YTHDF3: variants seen among roughly 807,000 people sequenced by gnomAD.
YTHDF3 encodes the protein YTH N6-methyladenosine RNA binding protein F3, also known as YTH domain-containing family protein 3.
In YTHDF3, 9 loss-of-function variants were observed where a neutral mutation model predicts 52.5. The observed-to-expected ratio is 0.17, with a 90% CI of 0.10 to 0.30. The LOEUF is 0.30. Ranked by LOEUF, YTHDF3 falls within the 10% of genes least tolerant of loss-of-function variation. The pLI, the probability that YTHDF3 is intolerant of heterozygous loss-of-function variation, is 1.00. For missense variants in YTHDF3, 534 were observed against 715.0 expected, an observed-to-expected ratio of 0.75 and a Z score of 2.89; for synonymous variants, 274 against 243.3, an observed-to-expected ratio of 1.13 and a Z score of -1.18.
intron 4 of YTHDF3, among the ~76,000 whole-genome samples, chr8:63,201,251 G>A (rs1022355395): frequency 1.1e-4 from 16 of 152,250 alleles, no homozygotes; most frequent in African/African-American, 3.9e-4. Flanking sequence ...TTACAGCTAG[G>A]TGTGGCTCAT....
intron 3 of YTHDF3, chr8:63,175,733 A>G (rs1294698124): frequency 5.4e-6 from 1 of 183,636 alleles, no homozygotes; most frequent in African/African-American, 2.3e-5. Flanking sequence ...TCACTGCTAT[A>G]TCTTCATAGC....
Position 63,169,372 on chromosome 8 carries a change from C to A in YTHDF3, c.25-15C>A. On this transcript the variant is annotated splice_polypyrimidine_tract_variant and intron_variant, in intron 1 of 4. Coordinates refer to ENST00000539294, the MANE Select transcript of YTHDF3 (RefSeq NM_152758.6). Reference sequence around the variant, plus strand: ...TTTTTCTCCTCTTTACCGCATCTTTCGTCTTGCAACACAGAGACCTAAAGG... The same window carrying A: ...TTTTTCTCCTCTTTACCGCATCTTTAGTCTTGCAACACAGAGACCTAAAGG... The A allele has an allele frequency of 6.3e-7, 1 of 1,599,646 alleles. No homozygotes were observed. The highest frequency in any genetic ancestry group is 8.5e-7 in the Non-Finnish European group (1 of 1,172,158).
intron 4 of YTHDF3, among the ~76,000 whole-genome samples, chr8:63,204,729 G>T (rs1809894459): frequency 6.6e-6 from 1 of 152,102 alleles, no homozygotes; most frequent in South Asian, 2.1e-4. Context: ...GCCTTCTTCG[G>T]CAGTTCTGTT....
At chr8:63,169,056 TGCGCCCTGGCCCCGTAGCTTGCGGGCGG>T (rs1484329022) in intron 1 of YTHDF3, 155 bp downstream of exon 1, 6 of 1,419,818 alleles carry the variant, frequency 4.2e-6, no homozygotes, top group Non-Finnish European at 4.6e-6. Flanking sequence ...GGCCGGGGCG[TGCGCCCTGGCCCCGTAGCTTGCGGGCGG>T]GCGGGCGCGG....
intron 4 of YTHDF3, among the ~76,000 whole-genome samples, chr8:63,192,035 G>A (rs1201716177): frequency 6.6e-6 from 1 of 152,120 alleles, no homozygotes; most frequent in East Asian, 1.9e-4. Flanking sequence ...GGGGCGTACA[G>A]CTCTATGAAT....
Position 63,175,350 on chromosome 8 carries a change from G to A in YTHDF3, c.69G>A (p.Ser23=). Residue 23 remains serine (S), a synonymous_variant, in exon 3 of 5, where the codon TCG becomes TCA. Coordinates refer to ENST00000539294, the MANE Select transcript of YTHDF3 (RefSeq NM_152758.6). The stretch of plus-strand genomic sequence containing the variant: ...TTTTAGTTTCAGTACAAAACGGTTC[G>A]ATTCATCAAAAAGATGCTGTAAATG... ...QGNKVSVQNG[S]IHQKDAVNDD... The A allele has an allele frequency of 6.2e-7, 1 of 1,609,302 alleles. No homozygotes were observed. The highest frequency in any genetic ancestry group is 2.2e-5 in the East Asian group (1 of 44,686).
chr8:63,190,476 C>T (rs1808843111), intron 4 of YTHDF3, among the ~76,000 whole-genome samples: 1 of 152,044 alleles, frequency 6.6e-6, no homozygotes, highest in African/African-American at 2.4e-5. Context: ...TTTAATATTA[C>T]CCTTATATTG....
chr8:63,170,701 A>G (rs369686256), intron 2 of YTHDF3, among the ~76,000 whole-genome samples: 2 of 152,090 alleles, frequency 1.3e-5, no homozygotes, highest in African/African-American at 4.8e-5. Context: ...GAGATTGTGA[A>G]ATTGTGGTCA....
rs1411300271 is a variant in YTHDF3 at position 63,207,886 on chromosome 8, G to A, written c.1735-1797G>A. 2.0e-5 allele frequency among the ~76,000 whole-genome samples: 3 copies of A among 152,102 alleles called. No homozygotes were observed. In the East Asian group the frequency reaches 5.8e-4, roughly 29 times the overall value. On this transcript the variant is annotated intron_variant, in intron 4 of 4. Transcript: ENST00000539294. ...TATTTTGTATCTAGCTTATTAGAGTGTGCTTCCAAATTTCTCATCCAAAGC... is the reference window on the plus strand; with the variant it reads ...TATTTTGTATCTAGCTTATTAGAGTATGCTTCCAAATTTCTCATCCAAAGC...
chr8:63,211,224 A>G lies in YTHDF3; in HGVS notation c.*1518A>G, dbSNP rs996548142. On this transcript the variant is annotated 3_prime_UTR_variant, in exon 5 of 5. Transcript: ENST00000539294. ...TTTAAATGTGCAAATACTGTATTCA[A>G]GTGAAAAAAATACAGTATTTGTAGA... 2.0e-5 allele frequency: 3 copies of G among 152,494 alleles called. No homozygotes were observed. The highest frequency in any genetic ancestry group is 7.2e-5 in the African/African-American group (3 of 41,418). 9.4% of individuals were successfully genotyped at this position (152,494 alleles called of 1,614,324 possible).
chr8:63,209,918 C>A lies in YTHDF3; in HGVS notation c.*212C>A. On this transcript the variant is annotated 3_prime_UTR_variant, in exon 5 of 5. Coordinates refer to ENST00000539294, the MANE Select transcript of YTHDF3 (RefSeq NM_152758.6). ...ACACACTTGAGAACTGTAACTTCGT[C>A]AAGCACTTTCTGTCCTGAAGCTTTT... The A allele has an allele frequency of 2.1e-6, 1 of 475,794 alleles. No homozygotes were observed. The highest frequency in any genetic ancestry group is 3.8e-5 in the South Asian group (1 of 26,388). The allele number at this position is 475,794 out of a possible 1,614,324, so 29.5% of individuals were successfully genotyped here.
chr8:63,203,988 C>G (rs1809815984), intron 4 of YTHDF3, among the ~76,000 whole-genome samples: 1 of 152,150 alleles, frequency 6.6e-6, no homozygotes, highest in African/African-American at 2.4e-5. Context: ...ATAAAATGTT[C>G]TGTTATTCCC....
intron 2 of YTHDF3, chr8:63,172,573 T>C (rs1004773454): frequency 5.3e-5 from 21 of 395,262 alleles, no homozygotes; most frequent in Admixed American, 4.4e-5. Context: ...ACTATCATTA[T>C]TTTAGGCTTC....
intron 1 of YTHDF3, chr8:63,169,115 A>C: frequency 2.2e-6 from 3 of 1,395,244 alleles, no homozygotes; most frequent in Non-Finnish European, 2.8e-6. Context: ...GGTGGGGGCA[A>C]GGACCGGTCT....
rs1454690692 is a variant in YTHDF3, at chr8:63,187,474, A to G, written c.1463A>G (p.Tyr488Cys). ...EMKSVVDYNA[Y>C]AGVWSQDKWK... is the part of the protein sequence containing the mutation. ...AAGTCTGTTGTGGACTATAATGCGT[A>G]TGCTGGTGTCTGGTCTCAGGATAAG... The change falls in exon 4 of 5, where the codon TAT becomes TGT. Residue 488 changes from tyrosine (Y) to cysteine (C), a missense_variant. Around this residue, in one of 3 missense-constraint regions of YTHDF3, gnomAD observed 135 missense variants for 214.2 expected, o/e 0.63. Transcript: ENST00000539294. 2 of 1,614,002 alleles carry G rather than the reference A, an allele frequency of 1.2e-6. No homozygotes were observed. The highest frequency in any genetic ancestry group is 2.2e-5 in the South Asian group (2 of 91,084).
Position 63,210,922 on chromosome 8 carries a change from T to G in YTHDF3, c.*1216T>G, listed in dbSNP as rs1027331447. On this transcript the variant is annotated 3_prime_UTR_variant, in exon 5 of 5. Coordinates refer to ENST00000539294, the MANE Select transcript of YTHDF3 (RefSeq NM_152758.6). ...AATTAAATGTGTCAAGCATCTGTATTAATTGATTTGATGGCATAAGGTTAT... is the reference window on the plus strand; with the variant it reads ...AATTAAATGTGTCAAGCATCTGTATGAATTGATTTGATGGCATAAGGTTAT... 17 of 152,738 alleles carry G rather than the reference T, an allele frequency of 1.1e-4. No individual in the cohort carries two copies. Among genetic ancestry groups the G allele is most frequent in the African/African-American group, 3.8e-4 (16 of 41,584 alleles). The allele number at this position is 152,738 out of a possible 1,614,324, so 9.5% of individuals were successfully genotyped here.
chr8:63,170,149 T>C (rs1407498179), intron 2 of YTHDF3, among the ~76,000 whole-genome samples: 1 of 152,226 alleles, frequency 6.6e-6, no homozygotes, highest in Non-Finnish European at 1.5e-5. Flanking sequence ...TTTAGTTAAG[T>C]ATAGAACAAT....
intron 4 of YTHDF3, among the ~76,000 whole-genome samples, chr8:63,193,306 A>C (rs1352688272): frequency 7.3e-6 from 1 of 137,148 alleles, no homozygotes; most frequent in Non-Finnish European, 1.5e-5. Context: ...TGAACCAGGG[A>C]GGTGGATTGC....
chr8:63,211,410 G>T lies in YTHDF3; in HGVS notation c.*1704G>T, dbSNP rs1810362878. 6.6e-6 allele frequency: 1 copy of T among 152,474 alleles called. No homozygotes were observed. Among genetic ancestry groups the T allele is most frequent in the African/African-American group, 2.4e-5 (1 of 41,424 alleles). 9.4% of individuals were successfully genotyped at this position (152,474 alleles called of 1,614,324 possible). A position where few individuals can be genotyped will look rare whatever the true frequency, so the allele number is the denominator to read the frequency against. ...TTTTAAGAGTAAGCCATGAAATCTT[G>T]TAACATGTCTCTTAACTATTTATAA... is the stretch of plus-strand genomic sequence containing the variant. On this transcript the variant is annotated 3_prime_UTR_variant, in exon 5 of 5. Transcript: ENST00000539294.
Sources: allele counts gnomAD v4.1 joint callset (sites outside exome capture counted in the v4.1 genomes callset), GRCh38; gene constraint gnomAD v4.1.1; regional missense constraint gnomAD v4.1.1; transcripts MANE v1.5; gene names NCBI Gene and HGNC (gene_info 2026-07-23, HGNC 2026-07-21).